The following FSTL4 variants were observed in gnomAD, a reference collection of about 807,000 sequenced individuals.
FSTL4 encodes follistatin-related protein 4.
In FSTL4, 28 loss-of-function variants were observed where a neutral mutation model predicts 78.2. That is an observed-to-expected ratio of 0.36 (90% CI 0.27 to 0.49). FSTL4 has a LOEUF of 0.49. Ranked by LOEUF, FSTL4 falls within the 20% of genes least tolerant of loss-of-function variation. The pLI is 0.98. For synonymous variants in FSTL4, 422 were observed against 440.5 expected, an observed-to-expected ratio of 0.96 and a Z score of 0.53; for missense variants, 922 against 1,084.9, an observed-to-expected ratio of 0.85 and a Z score of 2.11.
the FSTL4 span, among the ~76,000 whole-genome samples, chr5:133,837,887 TTA>T: frequency 3.3e-5 from 5 of 151,014 alleles, no homozygotes; most frequent in Non-Finnish European, 3.0e-5. Context: ...TATTTTTATT[TTA>T]TATATATATA....
chr5:133,245,996 G>A (rs1752028986), intron 7 of FSTL4, among the ~76,000 whole-genome samples: 1 of 152,160 alleles, frequency 6.6e-6, no homozygotes, highest in African/African-American at 2.4e-5. Context: ...TGTTGCTCAC[G>A]AAAGCTTCTC....
chr5:133,657,784 T>G, the FSTL4 span, among the ~76,000 whole-genome samples: 13 of 151,270 alleles, frequency 8.6e-5, no homozygotes, highest in South Asian at 1.7e-3. Flanking sequence ...TGTTTTTTTT[T>G]TTTTTTACCA....
intron 8 of FSTL4, among the ~76,000 whole-genome samples, chr5:133,232,065 T>G (rs1348293691): frequency 6.6e-6 from 1 of 152,106 alleles, no homozygotes; most frequent in Admixed American, 6.5e-5. Context: ...TGTGGGGAGG[T>G]CAAGGGTGTT....
intron 6 of FSTL4, among the ~76,000 whole-genome samples, chr5:133,262,346 G>A (rs1227794125): frequency 6.6e-6 from 1 of 152,182 alleles, no homozygotes; most frequent in Admixed American, 6.5e-5. Context: ...CTTTACACAG[G>A]CTGCACACTT....
At chr5:133,687,848 C>T in the FSTL4 span, among the ~76,000 whole-genome samples, 5 of 152,244 alleles carry the variant, frequency 3.3e-5, no homozygotes, top group African/African-American at 1.2e-4. Context: ...ATGGCTATTG[C>T]ACACAGTGTC....
At chr5:133,626,557 A>T in the FSTL4 span, among the ~76,000 whole-genome samples, 1 of 150,952 alleles carries the variant, frequency 6.6e-6, no homozygotes, top group Non-Finnish European at 1.5e-5. Flanking sequence ...GAACTGCTTT[A>T]TGTCCCATAA....
chr5:133,811,906 T>C, the FSTL4 span, among the ~76,000 whole-genome samples: 8 of 152,310 alleles, frequency 5.3e-5, no homozygotes, highest in East Asian at 1.5e-3. Flanking sequence ...TTGTCTTCAC[T>C]TGGAATGTCT....
At chr5:133,396,742 T>C (rs1207464474) in intron 4 of FSTL4, among the ~76,000 whole-genome samples, 2 of 152,100 alleles carry the variant, frequency 1.3e-5, no homozygotes, top group East Asian at 3.8e-4. Flanking sequence ...AAGAAAAAAA[T>C]GGCTCTTTGG....
the FSTL4 span, among the ~76,000 whole-genome samples, chr5:133,688,374 T>C: frequency 6.6e-6 from 1 of 152,076 alleles, no homozygotes; most frequent in Non-Finnish European, 1.5e-5. Context: ...GATCACACCA[T>C]GGCACTCCAG....
the FSTL4 span, among the ~76,000 whole-genome samples, chr5:133,650,974 G>A: frequency 0.097 from 14,783 of 152,140 alleles, 835 homozygotes; most frequent in South Asian, 0.17. Flanking sequence ...TGTTTTATAT[G>A]AAAAGCATTT....
intron 4 of FSTL4, among the ~76,000 whole-genome samples, chr5:133,372,575 G>A (rs1755336584): frequency 1.3e-5 from 2 of 152,100 alleles, no homozygotes; most frequent in African/African-American, 2.4e-5. Flanking sequence ...AGCCAATGAG[G>A]ACAACCACAA....
rs1002494872 is a variant in FSTL4, at chr5:133,338,979, C to G, written c.410-22327G>C. ...ATGTCCCCACCAATCCTCCCCCACT[C>G]AGTAGCTGGAGGAATCTTATGGGGG... is the stretch of plus-strand genomic sequence containing the variant. On this transcript the variant is annotated intron_variant, in intron 4 of 15. Transcript: ENST00000265342. The surrounding 1 kb of genome is among the most constrained non-coding windows in gnomAD (Gnocchi z 4.0). 6.6e-6 allele frequency among the ~76,000 whole-genome samples: 1 copy of G among 152,192 alleles called. No individual in the cohort carries two copies. The highest frequency in any genetic ancestry group is 1.5e-5 in the Non-Finnish European group (1 of 68,032).
the FSTL4 span, among the ~76,000 whole-genome samples, chr5:133,665,569 T>G: frequency 6.6e-6 from 1 of 152,182 alleles, no homozygotes; most frequent in Non-Finnish European, 1.5e-5. Flanking sequence ...GATATTGCCT[T>G]GACCTGTCAC....
chr5:133,487,791 C>T (rs1161932839), intron 3 of FSTL4, among the ~76,000 whole-genome samples: 1 of 152,186 alleles, frequency 6.6e-6, no homozygotes, highest in Non-Finnish European at 1.5e-5. Context: ...CAGCCCTCCA[C>T]TGAGCCACAG....
chr5:133,350,103 T>C (rs190519498), intron 4 of FSTL4, among the ~76,000 whole-genome samples: 4,497 of 146,370 alleles, frequency 0.031, 62 homozygotes, highest in Middle Eastern at 0.051. Context: ...GGATGGACTT[T>C]ATGTTTGTCA....
chr5:133,762,694 G>A, the FSTL4 span, among the ~76,000 whole-genome samples: 1 of 152,196 alleles, frequency 6.6e-6, no homozygotes, highest in Admixed American at 6.5e-5. Context: ...TCCCAAAATG[G>A]CCACCAATAG....
the FSTL4 span, among the ~76,000 whole-genome samples, chr5:133,750,825 G>A: frequency 6.6e-6 from 1 of 152,062 alleles, no homozygotes; most frequent in African/African-American, 2.4e-5. Flanking sequence ...CAGGGCTGGG[G>A]CACAAAACAC....
chr5:133,806,066 A>G, the FSTL4 span, among the ~76,000 whole-genome samples: 3 of 152,274 alleles, frequency 2.0e-5, no homozygotes, highest in South Asian at 2.1e-4. Flanking sequence ...TTTATTTTCT[A>G]TTCCAAAAAT....
intron 6 of FSTL4, among the ~76,000 whole-genome samples, chr5:133,285,113 G>A (rs753734781): frequency 1.4e-4 from 21 of 152,334 alleles, no homozygotes; most frequent in Non-Finnish European, 2.8e-4. Flanking sequence ...GCACACCCTT[G>A]GTGTTGCCCC....
Sources: gnomAD v4.1 joint callset for allele counts (sites outside exome capture counted in the v4.1 genomes callset) on GRCh38, gnomAD v4.1.1 for gene constraint, Gnocchi (gnomAD v3.1) non-coding constraint, MANE v1.5 for transcripts, NCBI Gene and HGNC (gene_info 2026-07-23, HGNC 2026-07-21) for gene names.